The following FREM1 variants were observed in gnomAD, a reference collection of about 807,000 sequenced individuals.
FREM1 encodes FRAS1 related extracellular matrix 1.
A neutral mutation model predicts 210.1 loss-of-function variants in FREM1; 220 were observed. That is an observed-to-expected ratio of 1.05 (90% CI 0.94 to 1.17). The LOEUF is 1.17. FREM1 is among the 50% of genes most tolerant of loss of function. The probability of loss-of-function intolerance (pLI) is 0.00; values close to 1 mark genes in which losing one functional copy is unlikely to be tolerated. For synonymous variants in FREM1, 1,189 were observed against 980.2 expected, an observed-to-expected ratio of 1.21 and a Z score of -3.98; for missense variants, 3,454 against 2,675.5, an observed-to-expected ratio of 1.29 and a Z score of -6.42.
Position 14,841,490 on chromosome 9 carries a change from A to G in FREM1, c.1838T>C (p.Val613Ala), listed in dbSNP as rs1022715351. ...TGGAGGTTCATGGCTGTCCCACAGG[A>G]CAAATTGAAAAGAATCTTCAAAGAT... Reference protein sequence around the residue: ...GEIFEDSFQFVLWDSHEPPNL... With the variant: ...GEIFEDSFQFALWDSHEPPNL... Residue 613 changes from valine (V) to alanine (A), a missense_variant, in exon 10 of 37, where the codon GTC becomes GCC. Transcript: ENST00000380880. 5 of 1,612,484 alleles carry G rather than the reference A, an allele frequency of 3.1e-6. No individual in the cohort carries two copies. The highest frequency in any genetic ancestry group is 3.4e-6 in the Non-Finnish European group (4 of 1,178,870).
chr9:14,819,167 C>A, intron 14 of FREM1, 67 bp downstream of exon 14: 1 of 1,138,546 alleles, frequency 8.8e-7, no homozygotes, highest in South Asian at 1.7e-5. Context: ...TTCTCTTACT[C>A]TGCCTCACAA....
At chr9:14,799,277 C>A (rs1853067196) in intron 20 of FREM1, among the ~76,000 whole-genome samples, 1 of 150,928 alleles carries the variant, frequency 6.6e-6, no homozygotes, top group Non-Finnish European at 1.5e-5. Flanking sequence ...CAGTGCAAGA[C>A]CCTGTCTCCA....
chr9:14,820,986 T>G (rs927536598), intron 13 of FREM1, among the ~76,000 whole-genome samples: 2 of 152,214 alleles, frequency 1.3e-5, no homozygotes, highest in African/African-American at 4.8e-5. Flanking sequence ...TTAGGTGATT[T>G]TTTAAATATA....
intron 1 of FREM1, among the ~76,000 whole-genome samples, chr9:14,881,631 C>T (rs7039633): frequency 0.1 from 15,262 of 152,182 alleles, 1,374 homozygotes; most frequent in African/African-American, 0.24. Flanking sequence ...CTTATGATAA[C>T]TTAGTAACTC....
At chr9:14,874,524 A>T (rs1164170689) in intron 1 of FREM1, among the ~76,000 whole-genome samples, 4 of 149,880 alleles carry the variant, frequency 2.7e-5, no homozygotes, top group Non-Finnish European at 4.4e-5. Context: ...TGCTTGGTAG[A>T]TCTTCCTCCA....
rs370936659 is a variant in FREM1 at position 14,824,037 on chromosome 9, C to A, written c.2157G>T (p.Arg719Ser). 21 of 1,590,740 alleles carry A rather than the reference C, an allele frequency of 1.3e-5. No individual in the cohort carries two copies. The African/African-American group carries it at 2.7e-4, about 20-fold the overall frequency. Reference protein sequence around the residue: ...VVKNPTALELRSFTQHAVNYM... With the variant: ...VVKNPTALELSSFTQHAVNYM... ...CATATCCTCATACCTGAGTGAATGA[C>A]CTCAGCTCCAGGGCCGTAGGATTCT... Residue 719 changes from arginine to serine, a missense_variant, in exon 12 of 37, where the codon AGG becomes AGT. Arg to Ser is a moderately radical substitution (Grantham distance 110). Coordinates refer to ENST00000380880, the MANE Select transcript of FREM1 (RefSeq NM_001379081.2).
chr9:14,742,648 G>T (rs529665765), intron 35 of FREM1, among the ~76,000 whole-genome samples: 2 of 152,220 alleles, frequency 1.3e-5, no homozygotes, highest in East Asian at 3.9e-4. Context: ...TTAAATGAAT[G>T]TATCTATAAA....
chr9:14,813,536 T>A (rs564551631), intron 15 of FREM1, among the ~76,000 whole-genome samples: 1 of 152,264 alleles, frequency 6.6e-6, no homozygotes, highest in Admixed American at 6.5e-5. Flanking sequence ...ACCCAGGAAG[T>A]TTCTCTGGAC....
chr9:14,752,382 C>A (rs1843547209), intron 29 of FREM1, among the ~76,000 whole-genome samples: 1 of 152,082 alleles, frequency 6.6e-6, no homozygotes, highest in Admixed American at 6.6e-5. Context: ...AGTGAATTAG[C>A]TGGCTGGAAT....
In FREM1 at chr9:14,874,105, G is replaced by A. The variant is rs138683235; in HGVS notation, c.-267-4861C>T. On this transcript the variant is annotated intron_variant, in intron 1 of 36. Coordinates refer to ENST00000380880, the MANE Select transcript of FREM1 (RefSeq NM_001379081.2). ...ACTTCCAACTATGTGGTCAATTTTG[G>A]AATAGGTGTGGTGTGGTGCTGAAAA... Among the ~76,000 whole-genome samples, 1,483 of 152,242 alleles carry A rather than the reference G, an allele frequency of 9.7e-3. 24 individuals are homozygous for A. Among genetic ancestry groups the A allele is most frequent in the African/African-American group, 0.033 (1,357 of 41,544 alleles).
chr9:14,823,200 A>G lies in FREM1; in HGVS notation c.2297T>C (p.Phe766Ser). 6.2e-7 allele frequency: 1 copy of G among 1,613,972 alleles called. No individual in the cohort carries two copies. The highest frequency in any genetic ancestry group is 8.5e-7 in the Non-Finnish European group (1 of 1,179,844). ...GTCCACTGGGAGGATTGTAATGTTA[A>G]AGCAGATCCCATGCAAAGTACCGCC... is the stretch of plus-strand genomic sequence containing the variant. ...QHGGTLHGICFNITILPVDNQ... is the reference protein window; with the variant it reads ...QHGGTLHGICSNITILPVDNQ... Residue 766 changes from phenylalanine (F) to serine (S), a missense_variant, in exon 13 of 37, where the codon TTT becomes TCT. Phe to Ser is a radical substitution (Grantham distance 155, BLOSUM62 -2). Transcript: ENST00000380880.
chr9:14,742,285 A>T (rs1227346906), intron 35 of FREM1, among the ~76,000 whole-genome samples: 1 of 152,170 alleles, frequency 6.6e-6, no homozygotes, highest in African/African-American at 2.4e-5. Context: ...GGTAGACTTC[A>T]GGGTAACTCT....
At chr9:14,899,608 G>A (rs941545201) in intron 1 of FREM1, among the ~76,000 whole-genome samples, 1 of 152,172 alleles carries the variant, frequency 6.6e-6, no homozygotes, top group Non-Finnish European at 1.5e-5. Context: ...CAGTAAGTCA[G>A]AGAAACATTT....
chr9:14,849,522 C>T (rs1377066154), intron 6 of FREM1, among the ~76,000 whole-genome samples: 1 of 152,126 alleles, frequency 6.6e-6, no homozygotes, highest in African/African-American at 2.4e-5. Context: ...AAGGCATACT[C>T]CCTACTTTTG....
In FREM1 at chr9:14,812,838, G is replaced by C; in HGVS notation, c.2867C>G (p.Ser956Ter). ...VDQFSQRDVI[S>*]EAVTYKHTGG... is the part of the protein sequence containing the mutation. ...TGTGTGTTTGTATGTCACGGCCTCT[G>C]AGATAACATCTCTCTGAGAGAACTG... is the stretch of plus-strand genomic sequence containing the variant. The change falls in exon 16 of 37, where the codon TCA becomes TGA. Residue 956 changes from serine to a stop codon, truncating the protein, a stop_gained. Transcript: ENST00000380880. LOFTEE classifies it high-confidence loss of function. 1.2e-6 allele frequency: 2 copies of C among 1,612,578 alleles called. No homozygotes were observed. Among genetic ancestry groups the C allele is most frequent in the Non-Finnish European group, 1.7e-6 (2 of 1,179,010 alleles).
At chr9:14,869,807 C>CT (rs1438466202) in intron 1 of FREM1, among the ~76,000 whole-genome samples, 1 of 152,136 alleles carries the variant, frequency 6.6e-6, no homozygotes, top group Non-Finnish European at 1.5e-5. Flanking sequence ...AGAAAATATG[C>CT]TTTTTTCTAA....
At position 14,776,196 on chromosome 9, in the gene FREM1, T is replaced by C; in HGVS notation, c.4450A>G (p.Ile1484Val). ...TVSSDRFRFI[I>V]SNGLRTEHGV... is the part of the protein sequence containing the mutation. ...TGCTCGGTCCGCAGTCCATTGCTGATGATGAATCTGGTAAAGAGAGGCAAG... is the reference window on the plus strand; with the variant it reads ...TGCTCGGTCCGCAGTCCATTGCTGACGATGAATCTGGTAAAGAGAGGCAAG... Residue 1484 changes from isoleucine to valine, a missense_variant, in exon 25 of 37, where the codon ATC (isoleucine) becomes GTC (valine). Coordinates refer to ENST00000380880, the MANE Select transcript of FREM1 (RefSeq NM_001379081.2). The C allele has an allele frequency of 6.6e-7, 1 of 1,519,414 alleles. No homozygotes were observed. The highest frequency in any genetic ancestry group is 8.8e-7 in the Non-Finnish European group (1 of 1,134,436). The allele number at this position is 1,519,414 out of a possible 1,614,324, so 94.1% of individuals were successfully genotyped here.
Position 14,784,365 on chromosome 9 carries a change from C to A in FREM1, c.4442+5G>T. The A allele has an allele frequency of 6.2e-7, 1 of 1,610,628 alleles. No individual in the cohort carries two copies. ...AGGGGTTTGAAAAGTTTCCATGGGG[C>A]TCACCTGAATCTGTCACTGGAGACA... is the stretch of plus-strand genomic sequence containing the variant. On this transcript the variant is annotated splice_donor_5th_base_variant and intron_variant, in intron 24 of 36. Coordinates refer to ENST00000380880, the MANE Select transcript of FREM1 (RefSeq NM_001379081.2).
intron 15 of FREM1, among the ~76,000 whole-genome samples, chr9:14,814,270 G>A (rs544515042): frequency 6.0e-4 from 92 of 152,262 alleles, no homozygotes; most frequent in African/African-American, 2.2e-3. Context: ...TTATCTTGGT[G>A]ATAATCTGTT....
Sources: gnomAD v4.1 joint callset for allele counts (sites outside exome capture counted in the v4.1 genomes callset) on GRCh38, gnomAD v4.1.1 for gene constraint, MANE v1.5 for transcripts, NCBI Gene and HGNC (gene_info 2026-07-23, HGNC 2026-07-21) for gene names.